The following LRBA variants were observed in gnomAD, a reference collection of about 807,000 sequenced individuals.
LRBA encodes the protein lipopolysaccharide-responsive and beige-like anchor protein.
Under a neutral mutation model 330.0 loss-of-function variants are expected in LRBA, and 176 were observed. The observed-to-expected ratio is 0.53, with a 90% confidence interval of 0.47 to 0.60. The LOEUF is 0.60. Among genes scored for constraint, LRBA ranks in the 20% least tolerant of loss-of-function variants. The pLI is 0.00. For missense variants in LRBA, 3,259 were observed against 3,444.8 expected (o/e 0.95, Z 1.35); for synonymous variants, 1,230 against 1,193.0 (o/e 1.03, Z -0.64).
chr4:150,755,807 G>A (rs1734209245), intron 35 of LRBA, among the ~76,000 whole-genome samples: 2 of 151,936 alleles, frequency 1.3e-5, no homozygotes, highest in South Asian at 4.2e-4. Flanking sequence ...AGCACTTTGG[G>A]AGGCTGAATG....
At chr4:150,497,320 T>C (rs537925640) in intron 40 of LRBA, among the ~76,000 whole-genome samples, 1 of 152,174 alleles carries the variant, frequency 6.6e-6, no homozygotes, top group African/African-American at 2.4e-5. Context: ...AAGGATATAT[T>C]CTTTAAGTAA....
intron 46 of LRBA, among the ~76,000 whole-genome samples, chr4:150,421,593 C>T (rs181308728): frequency 3.3e-5 from 5 of 152,148 alleles, no homozygotes; most frequent in African/African-American, 7.2e-5. Context: ...TTCAGTTTCA[C>T]GTCACTGTCC....
At chr4:150,995,129 C>A (rs191599587) in intron 2 of LRBA, among the ~76,000 whole-genome samples, 2 of 151,988 alleles carry the variant, frequency 1.3e-5, no homozygotes, top group Non-Finnish European at 2.9e-5. Flanking sequence ...AGTCACCCTT[C>A]GCTCACTCCA....
At chr4:150,668,582 A>G (rs947864861) in intron 37 of LRBA, among the ~76,000 whole-genome samples, 1 of 152,208 alleles carries the variant, frequency 6.6e-6, no homozygotes, top group Admixed American at 6.5e-5. Context: ...TATAGTTACC[A>G]TCTTTAAAGC....
chr4:150,651,726 G>A (rs1481146011), intron 37 of LRBA, among the ~76,000 whole-genome samples: 1 of 152,128 alleles, frequency 6.6e-6, no homozygotes, highest in Non-Finnish European at 1.5e-5. Flanking sequence ...GCAACTGCCT[G>A]GGACACAATA....
intron 40 of LRBA, among the ~76,000 whole-genome samples, chr4:150,520,732 CAT>C (rs1762838446): frequency 6.6e-6 from 1 of 152,140 alleles, no homozygotes; most frequent in African/African-American, 2.4e-5. Context: ...GACAGCCAAC[CAT>C]TGAGTACTCA....
chr4:150,849,389 C>G, intron 25 of LRBA, 33 bp downstream of exon 25: 1 of 1,604,924 alleles, frequency 6.2e-7, no homozygotes, highest in Non-Finnish European at 8.5e-7. Flanking sequence ...CTCATGTTTT[C>G]ACACCAATTT....
At position 150,933,365 on chromosome 4, in the gene LRBA, C is replaced by CA. The variant is rs60766197; in HGVS notation, c.217-4301dup. On this transcript the variant is annotated intron_variant, in intron 2 of 56. Coordinates refer to ENST00000651943, the MANE Select transcript of LRBA (RefSeq NM_001364905.1). ...TGGGCAACAGAGCAAGACTCTGTCT[C>CA]AAAAAAAAAAAAAAAAAGTTAATGA... Among the ~76,000 whole-genome samples the CA allele has an allele frequency of 5.7e-3, 448 of 78,856 alleles. 1 individual carries two copies. Among genetic ancestry groups the CA allele is most frequent in the Admixed American group, 8.3e-3 (55 of 6,588 alleles). 51.7% of individuals were successfully genotyped at this position (78,856 alleles called of 152,430 possible).
rs369477899 is a variant in LRBA at position 150,405,786 on chromosome 4, C to T, written c.7194+9652G>A. 4.0e-4 allele frequency among the ~76,000 whole-genome samples: 61 copies of T among 152,138 alleles called. 1 individual carries two copies. Among genetic ancestry groups the T allele is most frequent in the Admixed American group, 2.0e-3 (30 of 15,256 alleles). On this transcript the variant is annotated intron_variant, in intron 47 of 56. Coordinates refer to ENST00000651943, the MANE Select transcript of LRBA (RefSeq NM_001364905.1). ...ATTTAAAATGCAGACTGGGTGCAGT[C>T]GCTCATGCCTATGAGCCCAGCACTT... is the stretch of plus-strand genomic sequence containing the variant.
chr4:150,899,237 T>C (rs1440357819), intron 14 of LRBA, among the ~76,000 whole-genome samples: 1 of 152,152 alleles, frequency 6.6e-6, no homozygotes, highest in Non-Finnish European at 1.5e-5. Flanking sequence ...GGAAATACAT[T>C]ATATAGGCAG....
intron 37 of LRBA, among the ~76,000 whole-genome samples, chr4:150,633,565 G>A (rs1436578149): frequency 6.6e-6 from 1 of 152,146 alleles, no homozygotes; most frequent in African/African-American, 2.4e-5. Context: ...ATCCAGTTGT[G>A]CAAGTCTACA....
chr4:150,482,388 G>A (rs1431169595), intron 42 of LRBA, among the ~76,000 whole-genome samples: 1 of 152,008 alleles, frequency 6.6e-6, no homozygotes, highest in Non-Finnish European at 1.5e-5. Context: ...TTATTACTAA[G>A]TACTATATAG....
At chr4:150,847,235 G>A (rs1051084828) in intron 26 of LRBA, among the ~76,000 whole-genome samples, 3 of 151,732 alleles carry the variant, frequency 2.0e-5, no homozygotes, top group East Asian at 1.9e-4. Context: ...AATTGTCACC[G>A]TGAAAATCAA....
intron 35 of LRBA, among the ~76,000 whole-genome samples, chr4:150,735,847 G>A (rs571306511): frequency 1.1e-4 from 16 of 152,106 alleles, no homozygotes; most frequent in Non-Finnish European, 1.6e-4. Flanking sequence ...GAGGAGTCCC[G>A]GTAGACTACC....
intron 22 of LRBA, among the ~76,000 whole-genome samples, chr4:150,862,131 A>G (rs2126961876): frequency 6.6e-6 from 1 of 152,350 alleles, no homozygotes; most frequent in South Asian, 2.1e-4. Context: ...GCAATTCCTC[A>G]AGGTTCTAGA....
intron 36 of LRBA, among the ~76,000 whole-genome samples, chr4:150,702,523 T>C (rs1004068880): frequency 6.6e-6 from 1 of 152,138 alleles, no homozygotes; most frequent in Non-Finnish European, 1.5e-5. Flanking sequence ...AATAAAAATA[T>C]TACAAGCTAC....
intron 22 of LRBA, among the ~76,000 whole-genome samples, chr4:150,863,550 T>A (rs909449546): frequency 6.6e-6 from 1 of 152,066 alleles, no homozygotes; most frequent in Non-Finnish European, 1.5e-5. Context: ...TAATCCCAGA[T>A]ACTCGGGAGG....
At chr4:150,855,399 C>T (rs919464531) in intron 22 of LRBA, among the ~76,000 whole-genome samples, 3 of 152,058 alleles carry the variant, frequency 2.0e-5, no homozygotes, top group African/African-American at 7.2e-5. Context: ...TGAAAATAGG[C>T]CATTTATTTC....
intron 53 of LRBA, among the ~76,000 whole-genome samples, chr4:150,297,956 C>T (rs1247575902): frequency 6.6e-6 from 1 of 152,078 alleles, no homozygotes; most frequent in Admixed American, 6.6e-5. Flanking sequence ...ACATTTGTGA[C>T]CCTTAAATAA....
Sources: gnomAD v4.1 joint callset for allele counts (sites outside exome capture counted in the v4.1 genomes callset) on GRCh38, gnomAD v4.1.1 for gene constraint, MANE v1.5 for transcripts, NCBI Gene and HGNC (gene_info 2026-07-23, HGNC 2026-07-21) for gene names.